Variants in ZNF875 observed in about 807,000 individuals in gnomAD.
The protein encoded by ZNF875 is HKR1, GLI-Kruppel zinc finger family member.
A neutral mutation model predicts 11.2 loss-of-function variants in ZNF875; 14 were observed. That is an observed-to-expected ratio of 1.26 (90% CI 0.83 to 1.96). ZNF875 has a LOEUF of 1.96. ZNF875 is among the 30% of genes most tolerant of loss of function. The probability of loss-of-function intolerance (pLI) is 0.00; values close to 1 mark genes in which losing one functional copy is unlikely to be tolerated. For missense variants in ZNF875, 752 were observed against 760.4 expected (o/e 0.99, Z 0.13); for synonymous variants, 301 against 281.1 (o/e 1.07, Z -0.71).
upstream of ZNF875, among the ~76,000 whole-genome samples, chr19:37,331,368 A>C (rs2033366970): frequency 6.6e-6 from 1 of 151,496 alleles, no homozygotes; most frequent in Admixed American, 6.6e-5. Context: ...TAGCTGGATT[A>C]CAGGCAGTGG....
At chr19:37,316,826 C>G (rs1167537745), upstream of ZNF875, among the ~76,000 whole-genome samples, 2 of 151,366 alleles carry the variant, frequency 1.3e-5, no homozygotes, top group Admixed American at 6.6e-5. Flanking sequence ...CCACGCCTGG[C>G]TAATTTTTGT....
At chr19:37,341,712 C>T (rs1331878830) in intron 2 of ZNF875, among the ~76,000 whole-genome samples, 1 of 152,150 alleles carries the variant, frequency 6.6e-6, no homozygotes, top group African/African-American at 2.4e-5. Flanking sequence ...CCCAAGATCC[C>T]CAAAAGTTTC....
chr19:37,350,755 C>G (rs936219250), intron 4 of ZNF875, among the ~76,000 whole-genome samples: 8 of 151,130 alleles, frequency 5.3e-5, no homozygotes, highest in South Asian at 2.1e-4. Context: ...AATCTTAACC[C>G]CTGGCAACTA....
chr19:37,342,411 T>A (rs1050023240), intron 2 of ZNF875, among the ~76,000 whole-genome samples: 1 of 92,678 alleles, frequency 1.1e-5, no homozygotes, highest in Admixed American at 1.1e-4. Flanking sequence ...CCAACTGAAT[T>A]TTTTTTTTTT....
intron 2 of ZNF875, chr19:37,346,518 G>A (rs964035825): frequency 4.6e-5 from 7 of 153,206 alleles, no homozygotes; most frequent in African/African-American, 1.7e-4. Flanking sequence ...CCAAGCCCCA[G>A]AGGCACCACT....
intron 4 of ZNF875, among the ~76,000 whole-genome samples, chr19:37,361,032 C>T (rs2039812145): frequency 6.6e-6 from 1 of 150,856 alleles, no homozygotes; most frequent in South Asian, 2.1e-4. Context: ...AATCTGTGAA[C>T]AAGAGATTTT....
At chr19:37,341,334 T>G (rs1371725478) in intron 2 of ZNF875, among the ~76,000 whole-genome samples, 1 of 152,230 alleles carries the variant, frequency 6.6e-6, no homozygotes, top group South Asian at 2.1e-4. Context: ...AGATTTCACC[T>G]GGTCTTGTCA....
At chr19:37,334,993 G>C in intron 1 of ZNF875, 176 bp from the exon 2 acceptor site, 1 of 533,976 alleles carries the variant, frequency 1.9e-6, no homozygotes, top group South Asian at 1.9e-5. Flanking sequence ...CCGAGCTTGC[G>C]GCTGAGCTTG....
intron 4 of ZNF875, among the ~76,000 whole-genome samples, chr19:37,350,365 A>G (rs1316600684): frequency 1.3e-5 from 2 of 152,018 alleles, no homozygotes; most frequent in Non-Finnish European, 2.9e-5. Context: ...TGCTGGGATT[A>G]CAGGCGTGAG....
chr19:37,354,694 C>G (rs2038587301), intron 4 of ZNF875, among the ~76,000 whole-genome samples: 1 of 152,096 alleles, frequency 6.6e-6, no homozygotes, highest in South Asian at 2.1e-4. Context: ...GGTGGTGGGG[C>G]CTTTAAGAGG....
At chr19:37,353,398 A>G (rs1347061037) in intron 4 of ZNF875, among the ~76,000 whole-genome samples, 4 of 152,198 alleles carry the variant, frequency 2.6e-5, no homozygotes, top group African/African-American at 4.8e-5. Flanking sequence ...CCTAAACCCA[A>G]TACTACAGTG....
At position 37,363,901 on chromosome 19, in the gene ZNF875, CTG is replaced by C; in HGVS notation, c.*133_*134del. The C allele has an allele frequency of 1.4e-6, 1 of 725,790 alleles. No individual in the cohort carries two copies. Among genetic ancestry groups the C allele is most frequent in the Non-Finnish European group, 2.3e-6 (1 of 426,086 alleles). The allele number at this position is 725,790 out of a possible 1,614,324, so 45.0% of individuals were successfully genotyped here. On this transcript the variant is annotated 3_prime_UTR_variant, in exon 5 of 5. Transcript: ENST00000392153. Reference sequence around the variant, plus strand: ...TGCTAGATACCAAAGTGGAGACATTCTGTGTGTGATTATGCATGAGACTGTAC... The same window carrying C: ...TGCTAGATACCAAAGTGGAGACATTCTGTGTGATTATGCATGAGACTGTAC...
upstream of ZNF875, among the ~76,000 whole-genome samples, chr19:37,317,297 T>A (rs1026914932): frequency 7.1e-6 from 1 of 140,610 alleles, no homozygotes; most frequent in African/African-American, 2.6e-5. Flanking sequence ...GCCATTCTCC[T>A]GCCTCAGCCT....
upstream of ZNF875, among the ~76,000 whole-genome samples, chr19:37,333,090 G>GAGTC (rs1308767499): frequency 6.6e-6 from 1 of 152,104 alleles, no homozygotes; most frequent in Non-Finnish European, 1.5e-5. Context: ...TATCACTTGA[G>GAGTC]AGTCCCCTTA....
upstream of ZNF875, among the ~76,000 whole-genome samples, chr19:37,332,300 T>C (rs2033525231): frequency 6.6e-6 from 1 of 151,194 alleles, no homozygotes; most frequent in Admixed American, 6.6e-5. Flanking sequence ...CTCTGTGTCT[T>C]TTTCTTTTCC....
chr19:37,348,148 G>C (rs1214218074), intron 4 of ZNF875, among the ~76,000 whole-genome samples: 2 of 152,056 alleles, frequency 1.3e-5, no homozygotes, highest in African/African-American at 4.8e-5. Flanking sequence ...TTTCTCACCT[G>C]ATCTTAAAAA....
At chr19:37,336,323 C>CA (rs1450751943) in intron 2 of ZNF875, among the ~76,000 whole-genome samples, 1 of 144,856 alleles carries the variant, frequency 6.9e-6, no homozygotes, top group Non-Finnish European at 1.5e-5. Context: ...TTTTTGAGAC[C>CA]GAGTCTCACT....
At chr19:37,331,391 T>C (rs1032402302), upstream of ZNF875, among the ~76,000 whole-genome samples, 13 of 151,670 alleles carry the variant, frequency 8.6e-5, no homozygotes, top group Non-Finnish European at 1.3e-4. Flanking sequence ...ACCACGCCCA[T>C]GTGGGGAAAA....
intron 4 of ZNF875, 127 bp downstream of exon 4, chr19:37,347,999 C>A: frequency 1.6e-6 from 1 of 622,644 alleles, no homozygotes; most frequent in Non-Finnish European, 2.9e-6. Flanking sequence ...CGTTGCCTGA[C>A]ATGGTCTTCT....
Sources: allele counts gnomAD v4.1 joint callset (sites outside exome capture counted in the v4.1 genomes callset), GRCh38; gene constraint gnomAD v4.1.1; transcripts MANE v1.5; gene names NCBI Gene and HGNC (gene_info 2026-07-23, HGNC 2026-07-21).